Variants in DYRK2 observed in about 807,000 individuals in gnomAD.
DYRK2 encodes the protein dual specificity tyrosine phosphorylation regulated kinase 2.
DYRK2 carries 12 observed loss-of-function variants against 41.6 expected under a neutral mutation model. The observed-to-expected ratio is 0.29, with a 90% CI of 0.18 to 0.47. The LOEUF (loss-of-function observed/expected upper bound fraction) is 0.47. Among genes scored for constraint, DYRK2 ranks in the 20% least tolerant of loss-of-function variants. The probability of loss-of-function intolerance (pLI) is 1.00; values close to 1 mark genes in which losing one functional copy is unlikely to be tolerated. For missense variants in DYRK2, 678 were observed against 798.4 expected (o/e 0.85, Z 1.82); for synonymous variants, 322 against 315.7 (o/e 1.02, Z -0.21).
rs1246467735 is a variant in DYRK2, at chr12:67,659,115, C to G, written c.*402C>G. On this transcript the variant is annotated 3_prime_UTR_variant, in exon 3 of 3. Transcript: ENST00000344096. ...CAGCCCCTTAAGGCCCTCCTTTTCC[C>G]TCCATGCTCCAGGTCCATGCACAGG... 5.8e-6 allele frequency: 1 copy of G among 172,918 alleles called. No homozygotes were observed. The highest frequency in any genetic ancestry group is 1.4e-5 in the Non-Finnish European group (1 of 72,412). The allele number at this position is 172,918 out of a possible 1,614,324, so 10.7% of individuals were successfully genotyped here. A position where few individuals can be genotyped will look rare whatever the true frequency, so the allele number is the denominator to read the frequency against.
chr12:67,649,734 G>A (rs965733307), intron 1 of DYRK2, 63 bp from the exon 2 acceptor site: 52 of 1,295,490 alleles, frequency 4.0e-5, no homozygotes, highest in South Asian at 1.7e-4. Context: ...GGGTTGGAGG[G>A]GGGGTCTGGG....
intron 2 of DYRK2, chr12:67,651,566 T>C (rs1170250015): frequency 2.2e-6 from 1 of 455,886 alleles, no homozygotes; most frequent in Non-Finnish European, 4.4e-6. Flanking sequence ...AATGGAGGCC[T>C]GTATTTTGCT....
In DYRK2 at chr12:67,661,015, A is replaced by T. The variant is rs919631237; in HGVS notation, c.*2302A>T. On this transcript the variant is annotated 3_prime_UTR_variant, in exon 3 of 3. Transcript: ENST00000344096. ...CAAAACTGGTTCTTAAGATGCCAGC[A>T]ATGAATTTGAGACTATCTTTATTTA... is the stretch of plus-strand genomic sequence containing the variant. 3 of 167,114 alleles carry T rather than the reference A, an allele frequency of 1.8e-5. No individual in the cohort carries two copies. Among genetic ancestry groups the T allele is most frequent in the African/African-American group, 7.2e-5 (3 of 41,576 alleles). The allele number at this position is 167,114 out of a possible 1,614,324, so 10.4% of individuals were successfully genotyped here.
In DYRK2 at chr12:67,657,281, G is replaced by A. The variant is rs201692417; in HGVS notation, c.374G>A (p.Arg125Gln). ...GKTGLPVVPE[R>Q]QLDSIHRRQG... ...ACGGGCTTGCCAGTGGTGCCAGAGC[G>A]GCAGCTGGACAGCATTCATAGACGG... The change falls in exon 3 of 3, where the codon CGG becomes CAG. Residue 125 changes from arginine to glutamine, a missense_variant. Physicochemically the swap from Arg to Gln is conservative, Grantham distance 43 (BLOSUM62 1). Coordinates refer to ENST00000344096, the MANE Select transcript of DYRK2 (RefSeq NM_006482.3). This position sits in a 1 kb window ranked among gnomAD's most constrained non-coding sequence, Gnocchi z 4.8. The A allele has an allele frequency of 5.1e-5, 82 of 1,613,848 alleles. No individual in the cohort carries two copies. Among genetic ancestry groups the A allele is most frequent in the Admixed American group, 1.0e-4 (6 of 59,966 alleles).
chr12:67,649,721 G>T, intron 1 of DYRK2, 76 bp from the exon 2 acceptor site: 1 of 1,279,460 alleles, frequency 7.8e-7, no homozygotes, highest in South Asian at 3.5e-5. Context: ...TCGCTGCCCA[G>T]CGGGGTTGGA....
intron 2 of DYRK2, chr12:67,651,485 C>G (rs1408763037): frequency 7.1e-6 from 3 of 420,556 alleles, no homozygotes; most frequent in South Asian, 5.2e-5. Flanking sequence ...AACGACAAGT[C>G]TCCACTGGAG....
chr12:67,652,885 A>G (rs1220100910), intron 2 of DYRK2, among the ~76,000 whole-genome samples: 1 of 152,116 alleles, frequency 6.6e-6, no homozygotes, highest in Non-Finnish European at 1.5e-5. Flanking sequence ...GCTGGAGTGC[A>G]GTGGCTCCAT....
Position 67,657,214 on chromosome 12 carries a change from G to A in DYRK2, c.307G>A (p.Val103Met). The change falls in exon 3 of 3, where the codon GTG (valine) becomes ATG (methionine). Residue 103 changes from valine to methionine, a missense_variant. Physicochemically the swap from Val to Met is conservative, Grantham distance 21. Coordinates refer to ENST00000344096, the MANE Select transcript of DYRK2 (RefSeq NM_006482.3). This position sits in a 1 kb window ranked among gnomAD's most constrained non-coding sequence, Gnocchi z 4.8. ...LFEDNSNKRT[V>M]LTTQPNGLTT... ...TGAGGATAACAGTAACAAGCGGACA[G>A]TGCTCACGACACAACCAAATGGGCT... is the stretch of plus-strand genomic sequence containing the variant. 1 of 1,614,122 alleles carries A rather than the reference G, an allele frequency of 6.2e-7. No individual in the cohort carries two copies. Among genetic ancestry groups the A allele is most frequent in the Non-Finnish European group, 8.5e-7 (1 of 1,180,020 alleles).
rs1301406211 is a variant in DYRK2 at position 67,662,873 on chromosome 12, G to T, written c.*4160G>T. 1 of 152,114 alleles carries T rather than the reference G, an allele frequency of 6.6e-6. No homozygotes were observed. Among genetic ancestry groups the T allele is most frequent in the East Asian group, 1.9e-4 (1 of 5,198 alleles). The allele number at this position is 152,114 out of a possible 1,614,324, so 9.4% of individuals were successfully genotyped here. ...GCAGATTCCAAGTGGAAAAACAAAG[G>T]TTTTAGTAAGTAGTTCTTGCTTTTC... On this transcript the variant is annotated 3_prime_UTR_variant, in exon 3 of 3. Transcript: ENST00000344096.
At chr12:67,656,206 G>T (rs940044291) in intron 2 of DYRK2, among the ~76,000 whole-genome samples, 2 of 152,150 alleles carry the variant, frequency 1.3e-5, no homozygotes, top group African/African-American at 4.8e-5. Context: ...TAGAGGGCTG[G>T]GGTCCCTTGG....
chr12:67,650,192 C>T (rs73334374), intron 2 of DYRK2, among the ~76,000 whole-genome samples: 15,867 of 152,322 alleles, frequency 0.1, 2,706 homozygotes, highest in African/African-American at 0.36. Context: ...CCACCCATGA[C>T]CTCCTCTTCC....
In DYRK2 at chr12:67,657,909, G is replaced by A; in HGVS notation, c.1002G>A (p.Gln334=). ...GCAAGTTTGCCCACTCGATTCTGCA[G>A]TGCTTGGATGCTTTGCACAAAAACA... ...LVRKFAHSIL[Q]CLDALHKNRI... is the part of the protein sequence containing the mutation. Residue 334 remains glutamine, a synonymous_variant, in exon 3 of 3, where the codon CAG becomes CAA. Coordinates refer to ENST00000344096, the MANE Select transcript of DYRK2 (RefSeq NM_006482.3). The surrounding 1 kb of genome is among the most constrained non-coding windows in gnomAD (Gnocchi z 4.8). The A allele has an allele frequency of 6.2e-7, 1 of 1,614,252 alleles. No homozygotes were observed. Among genetic ancestry groups the A allele is most frequent in the Non-Finnish European group, 8.5e-7 (1 of 1,180,046 alleles).
chr12:67,649,081 A>C lies in DYRK2; in HGVS notation c.-53A>C. On this transcript the variant is annotated 5_prime_UTR_variant, in exon 1 of 3. Transcript: ENST00000344096. ...GGCGGCGGCCGCCAGAAGTAGCAGC[A>C]GGACCGGCGGCGGCGACGGCAGCCC... 7.0e-7 allele frequency: 1 copy of C among 1,437,546 alleles called. No homozygotes were observed. Among genetic ancestry groups the C allele is most frequent in the Non-Finnish European group, 9.2e-7 (1 of 1,081,418 alleles). The allele number at this position is 1,437,546 out of a possible 1,614,324, so 89.0% of individuals were successfully genotyped here.
intron 2 of DYRK2, chr12:67,651,609 T>A: frequency 4.4e-6 from 2 of 456,072 alleles, no homozygotes; most frequent in Non-Finnish European, 8.8e-6. Flanking sequence ...GTTTTTAACG[T>A]GTGTGTAAAC....
At chr12:67,655,359 A>C (rs562360654) in intron 2 of DYRK2, among the ~76,000 whole-genome samples, 1 of 152,294 alleles carries the variant, frequency 6.6e-6, no homozygotes, top group East Asian at 1.9e-4. Flanking sequence ...TGGTGTTTGA[A>C]AGACCACAGT....
chr12:67,659,952 A>G lies in DYRK2; in HGVS notation c.*1239A>G, dbSNP rs1413914100. 6.0e-6 allele frequency: 1 copy of G among 167,064 alleles called. No homozygotes were observed. Among genetic ancestry groups the G allele is most frequent in the Non-Finnish European group, 1.5e-5 (1 of 68,100 alleles). The allele number at this position is 167,064 out of a possible 1,614,324, so 10.3% of individuals were successfully genotyped here. On this transcript the variant is annotated 3_prime_UTR_variant, in exon 3 of 3. Transcript: ENST00000344096. ...AGAACCCCAGAGATAGCATTCCTCT[A>G]TTTTATTTTACTTTCTTTTGGATTG... is the stretch of plus-strand genomic sequence containing the variant.
At position 67,649,033 on chromosome 12, in the gene DYRK2, G is replaced by A; in HGVS notation, c.-101G>A. 1 of 1,049,572 alleles carries A rather than the reference G, an allele frequency of 9.5e-7. No individual in the cohort carries two copies. Among genetic ancestry groups the A allele is most frequent in the Non-Finnish European group, 1.3e-6 (1 of 787,610 alleles). The allele number at this position is 1,049,572 out of a possible 1,614,324, so 65.0% of individuals were successfully genotyped here. A position where few individuals can be genotyped will look rare whatever the true frequency, so the allele number is the denominator to read the frequency against. The stretch of plus-strand genomic sequence containing the variant: ...CGGCGACGAGGCGCCGGGGACCCGC[G>A]CGAGGGGCGGCCGGGAGGCGGCGGC... On this transcript the variant is annotated 5_prime_UTR_variant, in exon 1 of 3. Coordinates refer to ENST00000344096, the MANE Select transcript of DYRK2 (RefSeq NM_006482.3).
rs1315998847 is a variant in DYRK2 at position 67,657,219 on chromosome 12, C to T, written c.312C>T (p.Leu104=). Residue 104 remains leucine (L), a synonymous_variant, in exon 3 of 3, where the codon CTC becomes CTT. Coordinates refer to ENST00000344096, the MANE Select transcript of DYRK2 (RefSeq NM_006482.3). This position sits in a 1 kb window ranked among gnomAD's most constrained non-coding sequence, Gnocchi z 4.8. The part of the protein sequence containing the change: ...FEDNSNKRTV[L]TTQPNGLTTV... ...ATAACAGTAACAAGCGGACAGTGCTCACGACACAACCAAATGGGCTTACAA... is the reference window on the plus strand; with the variant it reads ...ATAACAGTAACAAGCGGACAGTGCTTACGACACAACCAAATGGGCTTACAA... 1.2e-6 allele frequency: 2 copies of T among 1,614,100 alleles called. No homozygotes were observed. Among genetic ancestry groups the T allele is most frequent in the Non-Finnish European group, 1.7e-6 (2 of 1,180,030 alleles).
rs1445962885 is a variant in DYRK2, at chr12:67,660,891, A to T, written c.*2178A>T. 2 of 166,936 alleles carry T rather than the reference A, an allele frequency of 1.2e-5. No individual in the cohort carries two copies. Among genetic ancestry groups the T allele is most frequent in the African/African-American group, 4.8e-5 (2 of 41,450 alleles). 10.3% of individuals were successfully genotyped at this position (166,936 alleles called of 1,614,324 possible). On this transcript the variant is annotated 3_prime_UTR_variant, in exon 3 of 3. Transcript: ENST00000344096. Reference sequence around the variant, plus strand: ...GTTATCTTCACATTTACATTTAAATATACAAACCTGAGCCTGCCATTATTA... The same window carrying T: ...GTTATCTTCACATTTACATTTAAATTTACAAACCTGAGCCTGCCATTATTA...
Sources: allele counts gnomAD v4.1 joint callset (sites outside exome capture counted in the v4.1 genomes callset), GRCh38; gene constraint gnomAD v4.1.1; non-coding constraint Gnocchi (gnomAD v3.1); transcripts MANE v1.5; gene names NCBI Gene and HGNC (gene_info 2026-07-23, HGNC 2026-07-21).